ZNF783: variants seen among roughly 807,000 people sequenced by gnomAD.
ZNF783 encodes the protein protein ZNF783.
In ZNF783, 25 loss-of-function variants were observed where a neutral mutation model predicts 31.3. The ratio of observed to expected loss-of-function variants is 0.80; its 90% CI spans 0.58 to 1.11. ZNF783 has a LOEUF of 1.11. Ranked by LOEUF, ZNF783 falls within the 50% of genes most tolerant of loss-of-function variation. ZNF783 has a pLI of 0.00. For missense variants in ZNF783, 797 were observed against 760.0 expected (o/e 1.05, Z -0.57); for synonymous variants, 369 against 319.1 (o/e 1.16, Z -1.66).
rs57927274 is a variant in ZNF783, at chr7:149,282,957, G to GTTTTTTTTTTTTTTTTTTTTTTTTTTTT, written c.*624_*625insTTTTTTTTTTTTTTTTTTTTTTTTTTTT. 7.4e-6 allele frequency: 1 copy of GTTTTTTTTTTTTTTTTTTTTTTTTTTTT among 134,350 alleles called. No individual in the cohort carries two copies. Among genetic ancestry groups the GTTTTTTTTTTTTTTTTTTTTTTTTTTTT allele is most frequent in the Non-Finnish European group, 1.6e-5 (1 of 62,528 alleles). 8.3% of individuals were successfully genotyped at this position (134,350 alleles called of 1,614,324 possible). On this transcript the variant is annotated 3_prime_UTR_variant, in exon 6 of 6. Transcript: ENST00000434415. ...CGTCCACCAGCCTGTGGGTCTTTTG[G>GTTTTTTTTTTTTTTTTTTTTTTTTTTTT]TTTTTTTTTTGTTGTTGTTGTTGTT... is the stretch of plus-strand genomic sequence containing the variant.
chr7:149,263,320 A>T (rs67822250), intron 1 of ZNF783, among the ~76,000 whole-genome samples: 25 of 120,428 alleles, frequency 2.1e-4, no homozygotes, highest in African/African-American at 8.0e-4. Flanking sequence ...ATATATATAT[A>T]TATATTTTTT....
At position 149,267,081 on chromosome 7, in the gene ZNF783, C is replaced by G; in HGVS notation, c.548-16C>G. The stretch of plus-strand genomic sequence containing the variant: ...TGTGGGGTCCAGCTCTTCCTCATTT[C>G]TTGTTCTGTGCACAGATTATGCAAT... On this transcript the variant is annotated splice_polypyrimidine_tract_variant and intron_variant, in intron 3 of 5. Coordinates refer to ENST00000434415, the MANE Select transcript of ZNF783 (RefSeq NM_001195220.2). The G allele has an allele frequency of 2.5e-6, 4 of 1,602,850 alleles. No individual in the cohort carries two copies. The South Asian group carries it at 4.4e-5, about 18-fold the overall frequency.
At chr7:149,263,340 C>T (rs973258613) in intron 1 of ZNF783, among the ~76,000 whole-genome samples, 12 of 145,762 alleles carry the variant, frequency 8.2e-5, no homozygotes, top group Non-Finnish European at 1.8e-4. Flanking sequence ...TTTTTAGACA[C>T]AGTCTCACTC....
At position 149,267,127 on chromosome 7, in the gene ZNF783, C is replaced by G. The variant is rs753137779; in HGVS notation, c.578C>G (p.Thr193Ser). ...GCAATCTCCAAACCAGACATCCTCA[C>G]CCGGATAGAGAGGGGAGAGGAGCCT... ...DYAISKPDIL[T>S]RIERGEEPCL... The change falls in exon 4 of 6, where the codon ACC becomes AGC. Residue 193 changes from threonine to serine, a missense_variant. Physicochemically the swap from Thr to Ser is moderately conservative, Grantham distance 58. Coordinates refer to ENST00000434415, the MANE Select transcript of ZNF783 (RefSeq NM_001195220.2). 3.5e-5 allele frequency: 56 copies of G among 1,599,518 alleles called. No homozygotes were observed. Among genetic ancestry groups the G allele is most frequent in the Admixed American group, 2.0e-4 (12 of 59,992 alleles).
chr7:149,281,861 T>G lies in ZNF783; in HGVS notation c.1159T>G (p.Cys387Gly). 2.0e-6 allele frequency: 3 copies of G among 1,499,738 alleles called. No individual in the cohort carries two copies. The highest frequency in any genetic ancestry group is 2.6e-6 in the Non-Finnish European group (3 of 1,133,420). The allele number at this position is 1,499,738 out of a possible 1,614,324, so 92.9% of individuals were successfully genotyped here. A position where few individuals can be genotyped will look rare whatever the true frequency, so the allele number is the denominator to read the frequency against. The change falls in exon 6 of 6, where the codon TGC becomes GGC. Residue 387 changes from cysteine to glycine, a missense_variant. Coordinates refer to ENST00000434415, the MANE Select transcript of ZNF783 (RefSeq NM_001195220.2). Reference sequence around the variant, plus strand: ...GGCCCCCGGCCGCTCGCCCACCAGCTGCGGGGACAGCCAGGCCATGCTGGA... The same window carrying G: ...GGCCCCCGGCCGCTCGCCCACCAGCGGCGGGGACAGCCAGGCCATGCTGGA... ...QEAPGRSPTS[C>G]GDSQAMLEPG...
intron 5 of ZNF783, 135 bp downstream of exon 5, chr7:149,278,662 G>C: frequency 7.0e-7 from 1 of 1,421,882 alleles, no homozygotes; most frequent in Admixed American, 2.3e-5. Flanking sequence ...GGGCTGGGCC[G>C]GACAGGCTTT....
rs1054947910 is a variant in ZNF783 at position 149,262,328 on chromosome 7, G to A, written c.-6G>A. 8.9e-5 allele frequency: 121 copies of A among 1,353,272 alleles called. No homozygotes were observed. Among genetic ancestry groups the A allele is most frequent in the Non-Finnish European group, 1.1e-4 (119 of 1,047,966 alleles). 83.8% of individuals were successfully genotyped at this position (1,353,272 alleles called of 1,614,324 possible). On this transcript the variant is annotated 5_prime_UTR_variant, in exon 1 of 6. Transcript: ENST00000434415. ...GACTGCAACCCAGCGAGGGACGCGGGCAGCCATGGCCGAAGCGGCGCCTGC... is the reference window on the plus strand; with the variant it reads ...GACTGCAACCCAGCGAGGGACGCGGACAGCCATGGCCGAAGCGGCGCCTGC...
Position 149,282,957 on chromosome 7 carries a change from G to GTTTTTTTTTTTTTTTTTT in ZNF783, c.*624_*625insTTTTTTTTTTTTTTTTTT, listed in dbSNP as rs57927274. The GTTTTTTTTTTTTTTTTTT allele has an allele frequency of 7.4e-6, 1 of 134,350 alleles. No homozygotes were observed. The highest frequency in any genetic ancestry group is 7.7e-5 in the Admixed American group (1 of 12,984). 8.3% of individuals were successfully genotyped at this position (134,350 alleles called of 1,614,324 possible). The stretch of plus-strand genomic sequence containing the variant: ...CGTCCACCAGCCTGTGGGTCTTTTG[G>GTTTTTTTTTTTTTTTTTT]TTTTTTTTTTGTTGTTGTTGTTGTT... On this transcript the variant is annotated 3_prime_UTR_variant, in exon 6 of 6. Transcript: ENST00000434415.
chr7:149,262,323 C>T lies in ZNF783; in HGVS notation c.-11C>T. 7.4e-7 allele frequency: 1 copy of T among 1,354,140 alleles called. No homozygotes were observed. The highest frequency in any genetic ancestry group is 9.5e-7 in the Non-Finnish European group (1 of 1,048,848). 83.9% of individuals were successfully genotyped at this position (1,354,140 alleles called of 1,614,324 possible). On this transcript the variant is annotated 5_prime_UTR_variant, in exon 1 of 6. It adds an upstream start codon to the 5' untranslated region. Transcript: ENST00000434415. ...CCAGGGACTGCAACCCAGCGAGGGA[C>T]GCGGGCAGCCATGGCCGAAGCGGCG...
At position 149,283,985 on chromosome 7, in the gene ZNF783, C is replaced by G. The variant is rs895831420; in HGVS notation, c.*1642C>G. The G allele has an allele frequency of 6.6e-6, 1 of 152,186 alleles. No homozygotes were observed. The highest frequency in any genetic ancestry group is 1.5e-5 in the Non-Finnish European group (1 of 68,060). The allele number at this position is 152,186 out of a possible 1,614,324, so 9.4% of individuals were successfully genotyped here. ...CCATGGGGCTCTGTTCCCCAGGAGT[C>G]CTTTGTATTTTGGTGAACAAATTCT... On this transcript the variant is annotated 3_prime_UTR_variant, in exon 6 of 6. Coordinates refer to ENST00000434415, the MANE Select transcript of ZNF783 (RefSeq NM_001195220.2).
intron 5 of ZNF783, 151 bp from the exon 6 acceptor site, chr7:149,281,354 C>T (rs897713312): frequency 5.5e-6 from 3 of 540,772 alleles, no homozygotes; most frequent in Non-Finnish European, 8.7e-6. Flanking sequence ...GCCTGTGTGG[C>T]AGGGCTCAGT....
At chr7:149,270,098 G>C (rs943301842) in intron 4 of ZNF783, among the ~76,000 whole-genome samples, 3 of 152,046 alleles carry the variant, frequency 2.0e-5, no homozygotes, top group East Asian at 1.9e-4. Context: ...GGTTCCAAGT[G>C]TTTGCTATTG....
rs1359744344 is a variant in ZNF783, at chr7:149,281,786, A to G, written c.1084A>G (p.Ile362Val). 2 of 1,514,384 alleles carry G rather than the reference A, an allele frequency of 1.3e-6. No individual in the cohort carries two copies. The highest frequency in any genetic ancestry group is 4.7e-5 in the East Asian group (2 of 42,218). The allele number at this position is 1,514,384 out of a possible 1,614,324, so 93.8% of individuals were successfully genotyped here. A position where few individuals can be genotyped will look rare whatever the true frequency, so the allele number is the denominator to read the frequency against. The change falls in exon 6 of 6, where the codon ATC becomes GTC. Residue 362 changes from isoleucine to valine, a missense_variant. By Grantham distance (29) the Ile-to-Val change is conservative. Coordinates refer to ENST00000434415, the MANE Select transcript of ZNF783 (RefSeq NM_001195220.2). ...PDCGQSFRLK[I>V]NLTIHQRTHV... ...CTGCGGGCAGAGCTTCCGCCTGAAG[A>G]TCAATCTGACGATTCATCAGCGGAC...
chr7:149,270,813 A>G (rs1188268827), intron 4 of ZNF783, among the ~76,000 whole-genome samples: 1 of 152,222 alleles, frequency 6.6e-6, no homozygotes, highest in East Asian at 1.9e-4. Flanking sequence ...AGTGGTATTT[A>G]GAGATTACAA....
chr7:149,277,453 A>C (rs1312245894), intron 4 of ZNF783: 2 of 152,032 alleles, frequency 1.3e-5, no homozygotes, highest in Non-Finnish European at 2.9e-5. Flanking sequence ...AAAAAATCAG[A>C]GCTTTGGCCA....
intron 5 of ZNF783, among the ~76,000 whole-genome samples, chr7:149,279,971 A>G (rs1797423858): frequency 1.3e-5 from 2 of 151,972 alleles, no homozygotes; most frequent in Admixed American, 6.6e-5. Context: ...CCCGTTCTCA[A>G]TGAGCTGTTG....
intron 5 of ZNF783, among the ~76,000 whole-genome samples, chr7:149,281,222 AC>A (rs1381863473): frequency 6.6e-6 from 1 of 152,026 alleles, no homozygotes; most frequent in Non-Finnish European, 1.5e-5. Flanking sequence ...CTGACCCCTG[AC>A]CTCTGGGCTC....
Position 149,282,289 on chromosome 7 carries a change from CGCCCGCCACGGGAGCCTGCCCCT to C in ZNF783, c.1592_1614del (p.Arg531LeufsTer79). 6.4e-7 allele frequency: 1 copy of C among 1,569,524 alleles called. No individual in the cohort carries two copies. Among genetic ancestry groups the C allele is most frequent in the Non-Finnish European group, 8.6e-7 (1 of 1,166,558 alleles). On this transcript the variant is annotated frameshift_variant, in exon 6 of 6. Transcript: ENST00000434415. LOFTEE classifies it low-confidence loss of function (END_TRUNC). ...TGGGCCCACACTTCCCTGCCGCCCC[CGCCCGCCACGGGAGCCTGCCCCT>C]GCCCTGGCCCAGCCGGAAGGAGGAG...
intron 5 of ZNF783, among the ~76,000 whole-genome samples, chr7:149,279,589 TC>T (rs2129525169): frequency 6.6e-6 from 1 of 150,848 alleles, no homozygotes; most frequent in South Asian, 2.1e-4. Context: ...CCTCGCCGAG[TC>T]TTTCTCACGT....
Sources: gnomAD v4.1 joint callset for allele counts (sites outside exome capture counted in the v4.1 genomes callset) on GRCh38, gnomAD v4.1.1 for gene constraint, MANE v1.5 for transcripts, NCBI Gene and HGNC (gene_info 2026-07-23, HGNC 2026-07-21) for gene names.